The following CREBBP variants were observed in gnomAD, a reference collection of about 807,000 sequenced individuals.
CREBBP encodes CREB binding lysine acetyltransferase, also known as CREB-binding protein.
In CREBBP, 19 loss-of-function variants were observed where a neutral mutation model predicts 265.0. The ratio of observed to expected loss-of-function variants is 0.07; its 90% CI spans 0.05 to 0.11. The LOEUF (loss-of-function observed/expected upper bound fraction) is 0.11. CREBBP is among the 10% of genes least tolerant of loss of function. The pLI is 1.00. For synonymous variants in CREBBP, 1,457 were observed against 1,223.7 expected, an observed-to-expected ratio of 1.19 and a Z score of -3.98; for missense variants, 2,525 against 3,219.0, an observed-to-expected ratio of 0.78 and a Z score of 5.22.
In CREBBP at chr16:3,768,136, GTTTTTTTTTTTTTT is replaced by G. The variant is rs71133655; in HGVS notation, c.3061-241_3061-228del. 1.2e-3 allele frequency among the ~76,000 whole-genome samples: 61 copies of G among 51,612 alleles called. 1 individual carries two copies. The highest frequency in any genetic ancestry group is 2.8e-3 in the African/African-American group (42 of 15,022). 33.9% of individuals were successfully genotyped at this position (51,612 alleles called of 152,430 possible). On this transcript the variant is annotated intron_variant, in intron 15 of 30. Coordinates refer to ENST00000262367, the MANE Select transcript of CREBBP (RefSeq NM_004380.3). ...CAATTATGGTCCTAAATTTAAAAGT[GTTTTTTTTTTTTTT>G]TTTTTTTTTTTTTTTTTTTGAGACA...
chr16:3,870,664 C>T (rs1038683137), intron 1 of CREBBP, among the ~76,000 whole-genome samples: 1 of 152,184 alleles, frequency 6.6e-6, no homozygotes, highest in Non-Finnish European at 1.5e-5. Context: ...GCCAAACAGG[C>T]AGGGGCAGAA....
At chr16:3,748,257 G>T (rs985705221) in intron 21 of CREBBP, among the ~76,000 whole-genome samples, 5 of 151,846 alleles carry the variant, frequency 3.3e-5, no homozygotes, top group Admixed American at 3.3e-4. Context: ...CAGCCTGGGG[G>T]ACAGAGCAAG....
chr16:3,860,826 C>G (rs1039065927), intron 1 of CREBBP, among the ~76,000 whole-genome samples: 1 of 152,004 alleles, frequency 6.6e-6, no homozygotes, highest in Non-Finnish European at 1.5e-5. Context: ...CCACACTACG[C>G]TCTCGGTGTG....
chr16:3,796,620 A>G (rs2053613892), intron 3 of CREBBP, among the ~76,000 whole-genome samples: 1 of 151,756 alleles, frequency 6.6e-6, no homozygotes, highest in African/African-American at 2.4e-5. Context: ...CTCCTGACCT[A>G]AAGAGACCGG....
At chr16:3,877,979 A>C (rs1227356355) in intron 1 of CREBBP, among the ~76,000 whole-genome samples, 1 of 152,250 alleles carries the variant, frequency 6.6e-6, no homozygotes, top group East Asian at 1.9e-4. Context: ...TAAGCATCTG[A>C]TCATCCAATA....
rs550510798 is a variant in CREBBP at position 3,836,161 on chromosome 16, C to T, written c.798+14136G>A. On this transcript the variant is annotated intron_variant, in intron 2 of 30. Coordinates refer to ENST00000262367, the MANE Select transcript of CREBBP (RefSeq NM_004380.3). The stretch of plus-strand genomic sequence containing the variant: ...ATGGTTACAGAAATTAGCAGCTGGG[C>T]GCGGTGGCTCACACCTGTAATCCCA... Among the ~76,000 whole-genome samples, 35 of 151,856 alleles carry T rather than the reference C, an allele frequency of 2.3e-4. No individual in the cohort carries two copies. The East Asian group carries it at 3.1e-3, about 14-fold the overall frequency.
chr16:3,852,305 A>C (rs1052208579), intron 1 of CREBBP, among the ~76,000 whole-genome samples: 2 of 149,468 alleles, frequency 1.3e-5, no homozygotes, highest in Non-Finnish European at 3.0e-5. Context: ...AGTAGCTGGG[A>C]TTATAGGCGC....
intron 14 of CREBBP, 125 bp downstream of exon 14, chr16:3,770,445 C>T (rs986181170): frequency 1.9e-6 from 2 of 1,065,366 alleles, no homozygotes; most frequent in Non-Finnish European, 2.9e-6. Context: ...ATTCTCCCAC[C>T]TTGGCCTCCC....
Position 3,725,147 on chromosome 16 carries a change from CCTCTT to C in CREBBP, c.*2566_*2570del, listed in dbSNP as rs570738685. The C allele has an allele frequency of 1.6e-4, 38 of 233,536 alleles. No individual in the cohort carries two copies. The South Asian group carries it at 3.4e-3, about 21-fold the overall frequency. The allele number at this position is 233,536 out of a possible 1,614,324, so 14.5% of individuals were successfully genotyped here. On this transcript the variant is annotated 3_prime_UTR_variant, in exon 31 of 31. Transcript: ENST00000262367. ...TCACAAATATAGGACTTTTTCTTCT[CCTCTT>C]AAGTATACAGCATGAGACACAGCGT...
At chr16:3,854,837 A>G (rs544479334) in intron 1 of CREBBP, among the ~76,000 whole-genome samples, 22 of 152,374 alleles carry the variant, frequency 1.4e-4, no homozygotes, top group African/African-American at 5.3e-4. Flanking sequence ...CACACTTGTT[A>G]TCTTCCCACC....
rs780939128 is a variant in CREBBP, at chr16:3,736,681, G to C, written c.4529C>G (p.Ala1510Gly). 1 of 1,614,152 alleles carries C rather than the reference G, an allele frequency of 6.2e-7. No homozygotes were observed. The highest frequency in any genetic ancestry group is 8.5e-7 in the Non-Finnish European group (1 of 1,180,034). ...GTCATGGATGATCCGCTCTGCAAAC[G>C]CCTTGTCCAGCATCTTTTTGTACCA... ...QEWYKKMLDK[A>G]FAERIIHDYK... Residue 1510 changes from alanine to glycine, a missense_variant, in exon 27 of 31, where the codon GCG becomes GGG. Coordinates refer to ENST00000262367, the MANE Select transcript of CREBBP (RefSeq NM_004380.3).
intron 1 of CREBBP, among the ~76,000 whole-genome samples, chr16:3,860,349 T>G (rs1391372480): frequency 6.6e-6 from 1 of 152,218 alleles, no homozygotes; most frequent in Non-Finnish European, 1.5e-5. Flanking sequence ...AAAGGAATTT[T>G]TTTTAAGAGA....
At chr16:3,735,160 G>A (rs765320846) in intron 28 of CREBBP, among the ~76,000 whole-genome samples, 1 of 152,122 alleles carries the variant, frequency 6.6e-6, no homozygotes, top group Non-Finnish European at 1.5e-5. Context: ...GTGGTGGGCG[G>A]GTCTGGCCCA....
intron 23 of CREBBP, chr16:3,741,474 T>C (rs2052205245): frequency 6.6e-6 from 1 of 152,222 alleles, no homozygotes. Context: ...GTGGTGCTGA[T>C]TTTTGGATAA....
At chr16:3,748,356 T>G (rs2052395693) in intron 21 of CREBBP, among the ~76,000 whole-genome samples, 1 of 150,286 alleles carries the variant, frequency 6.7e-6, no homozygotes, top group Non-Finnish European at 1.5e-5. Context: ...AGACACAATG[T>G]GAAAAGAAAG....
intron 2 of CREBBP, among the ~76,000 whole-genome samples, chr16:3,842,630 A>G (rs1365681339): frequency 1.3e-5 from 2 of 152,184 alleles, no homozygotes; most frequent in Non-Finnish European, 2.9e-5. Context: ...AACAAGGGTC[A>G]TGTTTTTCCT....
At chr16:3,798,307 A>G (rs1351453934) in intron 3 of CREBBP, among the ~76,000 whole-genome samples, 1 of 152,258 alleles carries the variant, frequency 6.6e-6, no homozygotes, top group Non-Finnish European at 1.5e-5. Flanking sequence ...GCAAGTGATA[A>G]AAGAAAAATA....
In CREBBP at chr16:3,879,845, C is replaced by A. The variant is rs777120128; in HGVS notation, c.72G>T (p.Ala24=). The A allele has an allele frequency of 2.9e-5, 46 of 1,609,550 alleles. 1 individual carries two copies. The East Asian group carries it at 1.0e-3, about 36-fold the overall frequency. ...CCCCCTCCTCACCTGTGCTGTCATT[C>A]GCCGAGAAACCGGGCGAGCTGAGTT... The part of the protein sequence containing the change: ...RAKLSSPGFS[A]NDSTDFGSLF... Residue 24 remains alanine (A), a synonymous_variant, in exon 1 of 31, where the codon GCG becomes GCT. Transcript: ENST00000262367.
intron 3 of CREBBP, among the ~76,000 whole-genome samples, chr16:3,808,244 G>A (rs1306980114): frequency 6.6e-6 from 1 of 152,216 alleles, no homozygotes; most frequent in African/African-American, 2.4e-5. Context: ...GCAAAAGGAT[G>A]AGATGCTGTT....
Sources: gnomAD v4.1 joint callset for allele counts (sites outside exome capture counted in the v4.1 genomes callset) on GRCh38, gnomAD v4.1.1 for gene constraint, MANE v1.5 for transcripts, NCBI Gene and HGNC (gene_info 2026-07-23, HGNC 2026-07-21) for gene names.